The following FAM227B variants were observed in gnomAD, a reference collection of about 807,000 sequenced individuals.
FAM227B encodes the protein family with sequence similarity 227 member B.
A neutral mutation model predicts 73.8 loss-of-function variants in FAM227B; 88 were observed. The observed-to-expected ratio is 1.19, with a 90% confidence interval of 1.00 to 1.42. The LOEUF is 1.42. FAM227B is among the 40% of genes most tolerant of loss of function. The pLI, the probability that FAM227B is intolerant of heterozygous loss-of-function variation, is 0.00. For synonymous variants in FAM227B, 210 were observed against 190.5 expected (o/e 1.10, Z -0.84); for missense variants, 632 against 590.9 (o/e 1.07, Z -0.72).
At chr15:49,444,843 A>G (rs79639794) in intron 11 of FAM227B, among the ~76,000 whole-genome samples, 1 of 151,872 alleles carries the variant, frequency 6.6e-6, no homozygotes, top group Non-Finnish European at 1.5e-5. Flanking sequence ...AGCTAAAAAA[A>G]TAAATTTACA....
chr15:49,380,479 T>C (rs1184837809), intron 11 of FAM227B, among the ~76,000 whole-genome samples: 1 of 152,130 alleles, frequency 6.6e-6, no homozygotes, highest in Non-Finnish European at 1.5e-5. Flanking sequence ...ATATATTTAA[T>C]AAAATGTAAT....
At chr15:49,452,182 C>T (rs2052817422) in intron 11 of FAM227B, among the ~76,000 whole-genome samples, 1 of 152,054 alleles carries the variant, frequency 6.6e-6, no homozygotes, top group Non-Finnish European at 1.5e-5. Context: ...TCTGGCACTA[C>T]AGGTGCATGC....
At chr15:49,510,129 C>T (rs1357571876) in intron 10 of FAM227B, among the ~76,000 whole-genome samples, 1 of 152,078 alleles carries the variant, frequency 6.6e-6, no homozygotes, top group Non-Finnish European at 1.5e-5. Flanking sequence ...ATTCTATTGA[C>T]GTCCAACTAG....
chr15:49,367,932 C>T (rs554698463), intron 12 of FAM227B: 131 of 154,744 alleles, frequency 8.5e-4, no homozygotes, highest in Non-Finnish European at 1.5e-3. Flanking sequence ...AATATCTGAA[C>T]AAATGATGGT....
intron 1 of FAM227B, among the ~76,000 whole-genome samples, chr15:49,616,490 CT>C (rs982509087): frequency 2.1e-4 from 32 of 151,998 alleles, no homozygotes; most frequent in Admixed American, 2.0e-3. Context: ...ATGCCACACA[CT>C]TAACTGATGC....
At chr15:49,414,766 G>T (rs1055465774) in intron 11 of FAM227B, among the ~76,000 whole-genome samples, 1 of 151,980 alleles carries the variant, frequency 6.6e-6, no homozygotes, top group Admixed American at 6.6e-5. Flanking sequence ...AGTTGTGGTA[G>T]AATTGACATT....
chr15:49,543,855 T>C (rs2071435229), intron 9 of FAM227B, among the ~76,000 whole-genome samples: 1 of 152,222 alleles, frequency 6.6e-6, no homozygotes, highest in Non-Finnish European at 1.5e-5. Context: ...TCGATTTGTC[T>C]ACTTGCCTAT....
chr15:49,340,413 T>A (rs866483540), intron 13 of FAM227B, among the ~76,000 whole-genome samples: 3 of 64,430 alleles, frequency 4.7e-5, no homozygotes, highest in Admixed American at 1.4e-4. Context: ...GCCCCCCCCC[T>A]CCCCCCCCCG....
intron 11 of FAM227B, chr15:49,486,293 A>G (rs1183948892): frequency 6.6e-6 from 1 of 152,034 alleles, no homozygotes; most frequent in African/African-American, 2.4e-5. Context: ...AGAAAACTAG[A>G]AAGAACTGCC....
intron 9 of FAM227B, among the ~76,000 whole-genome samples, chr15:49,564,236 G>T (rs1434641281): frequency 6.6e-6 from 1 of 152,148 alleles, no homozygotes; most frequent in African/African-American, 2.4e-5. Flanking sequence ...GTGAAAAAAT[G>T]CTCAACATCA....
At chr15:49,558,959 C>G (rs2074004858) in intron 9 of FAM227B, among the ~76,000 whole-genome samples, 1 of 152,068 alleles carries the variant, frequency 6.6e-6, no homozygotes, top group Non-Finnish European at 1.5e-5. Context: ...CAAGCAGCAG[C>G]AGTACTGTCA....
intron 11 of FAM227B, among the ~76,000 whole-genome samples, chr15:49,374,889 T>C (rs1379060687): frequency 2.0e-5 from 3 of 152,212 alleles, no homozygotes; most frequent in Non-Finnish European, 4.4e-5. Flanking sequence ...TTTCTGATCA[T>C]GCTTCTCTGA....
intron 9 of FAM227B, among the ~76,000 whole-genome samples, chr15:49,548,394 T>C (rs996195658): frequency 6.6e-6 from 1 of 152,204 alleles, no homozygotes; most frequent in Admixed American, 6.5e-5. Flanking sequence ...TGAATGATCT[T>C]TCTCACGTAT....
At chr15:49,388,347 C>T (rs13379615) in intron 11 of FAM227B, among the ~76,000 whole-genome samples, 25,531 of 151,406 alleles carry the variant, frequency 0.17, 3,456 homozygotes, top group African/African-American at 0.37. Context: ...AGCCAACTGA[C>T]CTTCAATAAA....
Position 49,342,622 on chromosome 15 carries a change from T to C in FAM227B, c.1272-7126A>G, listed in dbSNP as rs145340965. Among the ~76,000 whole-genome samples, 5 of 152,312 alleles carry C rather than the reference T, an allele frequency of 3.3e-5. No homozygotes were observed. In the East Asian group the frequency reaches 9.6e-4, roughly 29 times the overall value. On this transcript the variant is annotated intron_variant, in intron 13 of 15. Transcript: ENST00000299338. The stretch of plus-strand genomic sequence containing the variant: ...TTTCTATTGTGTCATTGGTTTATAG[T>C]ATCTGTGGCTATATATTCAAGGGTG...
chr15:49,405,853 C>CTGGT (rs2048474751), intron 11 of FAM227B, among the ~76,000 whole-genome samples: 1 of 152,120 alleles, frequency 6.6e-6, no homozygotes, highest in Admixed American at 6.5e-5. Context: ...GGTTCTTGAG[C>CTGGT]TGGTTCTTTC....
chr15:49,386,461 T>C (rs2046891161), intron 11 of FAM227B, among the ~76,000 whole-genome samples: 1 of 151,786 alleles, frequency 6.6e-6, no homozygotes, highest in Admixed American at 6.6e-5. Context: ...TGAATGATGA[T>C]AATGACCCAA....
At chr15:49,575,638 T>C (rs569623128) in intron 7 of FAM227B, among the ~76,000 whole-genome samples, 3 of 152,246 alleles carry the variant, frequency 2.0e-5, no homozygotes, top group Admixed American at 1.3e-4. Flanking sequence ...CTAGTCATAT[T>C]TCATATGCTC....
chr15:49,588,346 C>T (rs543241576), intron 4 of FAM227B, among the ~76,000 whole-genome samples: 56 of 150,678 alleles, frequency 3.7e-4, no homozygotes, highest in South Asian at 2.1e-3. Context: ...TATGTCTAAA[C>T]TTTTATGTCA....
Sources: allele counts gnomAD v4.1 joint callset (sites outside exome capture counted in the v4.1 genomes callset), GRCh38; gene constraint gnomAD v4.1.1; transcripts MANE v1.5; gene names NCBI Gene and HGNC (gene_info 2026-07-23, HGNC 2026-07-21).